RNF217: variants seen among roughly 807,000 people sequenced by gnomAD.
RNF217 encodes the protein ring finger protein 217.
Under a neutral mutation model 57.8 loss-of-function variants are expected in RNF217, and 31 were observed. That is an observed-to-expected ratio of 0.54 (90% CI 0.40 to 0.72). The LOEUF is 0.72. RNF217 is among the 30% of genes least tolerant of loss of function. The probability of loss-of-function intolerance (pLI) is 0.00; values close to 1 mark genes in which losing one functional copy is unlikely to be tolerated. For missense variants in RNF217, 696 were observed against 708.3 expected (o/e 0.98, Z 0.20); for synonymous variants, 313 against 294.0 (o/e 1.06, Z -0.66).
intron 3 of RNF217, among the ~76,000 whole-genome samples, chr6:125,074,281 G>T (rs978717934): frequency 2.0e-5 from 3 of 150,412 alleles, no homozygotes; most frequent in African/African-American, 7.4e-5. Context: ...TAGGTAGGTC[G>T]GTAGACAGAA....
intron 3 of RNF217, among the ~76,000 whole-genome samples, chr6:125,063,636 A>G (rs1771161296): frequency 2.6e-5 from 4 of 152,092 alleles, no homozygotes; most frequent in East Asian, 1.9e-4. Context: ...GATCATCACT[A>G]TTAAGTGATT....
chr6:125,058,083 G>A lies in RNF217; in HGVS notation c.1258G>A (p.Ala420Thr), dbSNP rs1313655594. 3 of 1,612,568 alleles carry A rather than the reference G, an allele frequency of 1.9e-6. No homozygotes were observed. Among genetic ancestry groups the A allele is most frequent in the Non-Finnish European group, 2.5e-6 (3 of 1,179,224 alleles). Residue 420 changes from alanine (A) to threonine (T), a missense_variant, in exon 3 of 6, where the codon GCC becomes ACC. Coordinates refer to ENST00000521654, the MANE Select transcript of RNF217 (RefSeq NM_001286398.3). Reference protein sequence around the residue: ...ASEIEHGQRNAQKCPKCKIHI... With the variant: ...ASEIEHGQRNTQKCPKCKIHI... ...CGAAATTGAGCATGGGCAGAGGAAT[G>A]CCCAGAAGTGTCCAAAGTGCAAGGT...
chr6:125,052,872 A>G (rs999401529), intron 2 of RNF217, among the ~76,000 whole-genome samples: 13 of 152,094 alleles, frequency 8.5e-5, no homozygotes, highest in African/African-American at 3.1e-4. Context: ...CATGTTTCCT[A>G]TGCAGAGTTT....
At chr6:124,998,722 A>G (rs1021892058) in intron 1 of RNF217, among the ~76,000 whole-genome samples, 2 of 152,124 alleles carry the variant, frequency 1.3e-5, no homozygotes, top group African/African-American at 4.8e-5. Flanking sequence ...AATCGTTTGA[A>G]CCTGGGAGGG....
At chr6:124,984,494 C>T (rs910779631) in intron 1 of RNF217, among the ~76,000 whole-genome samples, 1 of 143,646 alleles carries the variant, frequency 7.0e-6, no homozygotes, top group Non-Finnish European at 1.5e-5. Flanking sequence ...GGCTGCAGTG[C>T]GTTGTGATCA....
chr6:125,078,327 A>G (rs1348180281), intron 4 of RNF217, among the ~76,000 whole-genome samples: 1 of 152,112 alleles, frequency 6.6e-6, no homozygotes. Flanking sequence ...ACACAAAATC[A>G]CTGTATTTTT....
In RNF217 at chr6:125,076,871, C is replaced by T. The variant is rs1383160424; in HGVS notation, c.1483+13C>T. 1 of 1,605,372 alleles carries T rather than the reference C, an allele frequency of 6.2e-7. No homozygotes were observed. Among genetic ancestry groups the T allele is most frequent in the Non-Finnish European group, 8.5e-7 (1 of 1,172,370 alleles). ...GGGTCAGTCTGTGGTGAGTGTCTGACATACTTATGGGTGTCTTCCCTGGGA... is the reference window on the plus strand; with the variant it reads ...GGGTCAGTCTGTGGTGAGTGTCTGATATACTTATGGGTGTCTTCCCTGGGA... On this transcript the variant is annotated intron_variant, in intron 4 of 5. Coordinates refer to ENST00000521654, the MANE Select transcript of RNF217 (RefSeq NM_001286398.3).
chr6:125,045,508 A>G (rs1354712700), intron 2 of RNF217, 64 bp downstream of exon 2: 2 of 1,253,572 alleles, frequency 1.6e-6, no homozygotes, highest in African/African-American at 3.0e-5. Context: ...GATTAGATCC[A>G]CTTGTCGTGG....
At chr6:125,022,418 A>G (rs1008070558) in intron 1 of RNF217, among the ~76,000 whole-genome samples, 5 of 152,236 alleles carry the variant, frequency 3.3e-5, no homozygotes, top group Admixed American at 2.0e-4. Context: ...TGAGCAGCCT[A>G]GGAAACTCTG....
chr6:124,988,997 G>C (rs1784454991), intron 1 of RNF217, among the ~76,000 whole-genome samples: 1 of 151,966 alleles, frequency 6.6e-6, no homozygotes, highest in Non-Finnish European at 1.5e-5. Context: ...TCACCAAAAT[G>C]CTAATAGTCT....
intron 2 of RNF217, among the ~76,000 whole-genome samples, chr6:125,049,414 A>C (rs968141321): frequency 1.3e-5 from 2 of 152,168 alleles, no homozygotes; most frequent in Middle Eastern, 3.4e-3. Flanking sequence ...TAGAGGGTGC[A>C]CTCAAAATAT....
In RNF217 at chr6:125,091,539, A is replaced by G. The variant is rs1021326466; in HGVS notation, c.*8602A>G. On this transcript the variant is annotated 3_prime_UTR_variant, in exon 6 of 6. Transcript: ENST00000521654. ...TCATTGTTCATTTTTAAGCTAACCT[A>G]TACAAATGGATATTAAACACCAGAA... The G allele has an allele frequency of 3.3e-5, 5 of 152,174 alleles. No homozygotes were observed. The highest frequency in any genetic ancestry group is 9.6e-5 in the African/African-American group (4 of 41,472). 9.4% of individuals were successfully genotyped at this position (152,174 alleles called of 1,614,324 possible). A position where few individuals can be genotyped will look rare whatever the true frequency, so the allele number is the denominator to read the frequency against.
At chr6:125,002,206 T>C (rs1785016077) in intron 1 of RNF217, among the ~76,000 whole-genome samples, 1 of 152,162 alleles carries the variant, frequency 6.6e-6, no homozygotes, top group Non-Finnish European at 1.5e-5. Flanking sequence ...TGCCTTTCTG[T>C]ATGGTCTGTT....
rs527325753 is a variant in RNF217 at position 125,045,855 on chromosome 6, C to G, written c.1116+411C>G. On this transcript the variant is annotated intron_variant, in intron 2 of 5. Transcript: ENST00000521654. Reference sequence around the variant, plus strand: ...AAAAATAGTATAAATGGTACTCATTCATTTATTCAGCAAATACAGAATGCT... The same window carrying G: ...AAAAATAGTATAAATGGTACTCATTGATTTATTCAGCAAATACAGAATGCT... Among the ~76,000 whole-genome samples the G allele has an allele frequency of 4.0e-5, 6 of 151,608 alleles. No homozygotes were observed. The South Asian group carries it at 1.2e-3, about 32-fold the overall frequency.
Position 124,964,770 on chromosome 6 carries a change from T to C in RNF217, c.882+1344T>C, listed in dbSNP as rs1783468487. Among the ~76,000 whole-genome samples the C allele has an allele frequency of 2.0e-5, 3 of 152,348 alleles. No individual in the cohort carries two copies. The South Asian group carries it at 6.2e-4, about 32-fold the overall frequency. ...ATGTCTGCTGCTGGTTGTGGTAGTTTCTGTATCATCATCCTCAAAACAGAT... is the reference window on the plus strand; with the variant it reads ...ATGTCTGCTGCTGGTTGTGGTAGTTCCTGTATCATCATCCTCAAAACAGAT... On this transcript the variant is annotated intron_variant, in intron 1 of 5. Coordinates refer to ENST00000521654, the MANE Select transcript of RNF217 (RefSeq NM_001286398.3).
rs528555164 is a variant in RNF217 at position 125,043,158 on chromosome 6, CT to C, written c.883-2050del. 2.6e-4 allele frequency among the ~76,000 whole-genome samples: 39 copies of C among 152,216 alleles called. No individual in the cohort carries two copies. In the South Asian group the frequency reaches 7.9e-3, roughly 31 times the overall value. ...CTTTGTGGTCCAGTCTGCTGTTCAT[CT>C]TTAAGAGCCGTCCCAAGGCTGTGAT... On this transcript the variant is annotated intron_variant, in intron 1 of 5. Coordinates refer to ENST00000521654, the MANE Select transcript of RNF217 (RefSeq NM_001286398.3).
At chr6:125,060,977 T>C (rs565968) in intron 3 of RNF217, among the ~76,000 whole-genome samples, 64,879 of 152,062 alleles carry the variant, frequency 0.43, 14,490 homozygotes, top group African/African-American at 0.54. Context: ...ATTGCAAACA[T>C]TTCTCATATT....
At chr6:124,999,318 T>G (rs936802410) in intron 1 of RNF217, among the ~76,000 whole-genome samples, 1 of 152,252 alleles carries the variant, frequency 6.6e-6, no homozygotes, top group Non-Finnish European at 1.5e-5. Context: ...AGGGATTCAT[T>G]TCTTCCTTAG....
At chr6:124,980,074 T>C (rs147155500) in intron 1 of RNF217, among the ~76,000 whole-genome samples, 240 of 152,336 alleles carry the variant, frequency 1.6e-3, no homozygotes, top group African/African-American at 5.5e-3. Flanking sequence ...AACGTAGGAT[T>C]AGCCTCTGTT....
Sources: allele counts gnomAD v4.1 joint callset (sites outside exome capture counted in the v4.1 genomes callset), GRCh38; gene constraint gnomAD v4.1.1; transcripts MANE v1.5; gene names NCBI Gene and HGNC (gene_info 2026-07-23, HGNC 2026-07-21).